Variants in CCDC3 observed in about 807,000 individuals in gnomAD.
The protein encoded by CCDC3 is coiled-coil domain-containing protein 3.
A neutral mutation model predicts 21.4 loss-of-function variants in CCDC3; 24 were observed. That is an observed-to-expected ratio of 1.12 (90% confidence interval 0.81 to 1.58). The LOEUF (loss-of-function observed/expected upper bound fraction) is 1.58. CCDC3 is among the 40% of genes most tolerant of loss of function. The pLI is 0.00. For missense variants in CCDC3, 425 were observed against 360.9 expected, an observed-to-expected ratio of 1.18 and a Z score of -1.44; for synonymous variants, 186 against 166.0, an observed-to-expected ratio of 1.12 and a Z score of -0.93.
At chr10:13,066,909 C>T (rs1836826767) in intron 4 of CCDC3, among the ~76,000 whole-genome samples, 1 of 152,136 alleles carries the variant, frequency 6.6e-6, no homozygotes, top group South Asian at 2.1e-4. Context: ...CCCTCCTCTG[C>T]CCACCCTTCA....
intron 5 of CCDC3, among the ~76,000 whole-genome samples, chr10:13,045,011 A>C (rs1298522243): frequency 6.6e-6 from 1 of 152,214 alleles, no homozygotes; most frequent in Non-Finnish European, 1.5e-5. Flanking sequence ...TGGAATCTAA[A>C]TGCCATAGCA....
chr10:13,033,037 A>G (rs1836326198), intron 5 of CCDC3, among the ~76,000 whole-genome samples: 1 of 152,246 alleles, frequency 6.6e-6, no homozygotes, highest in South Asian at 2.1e-4. Context: ...TGCCAAGTCA[A>G]TCCTAAGCCA....
intron 5 of CCDC3, among the ~76,000 whole-genome samples, chr10:13,011,408 G>C (rs1835982718): frequency 6.6e-6 from 1 of 152,072 alleles, no homozygotes; most frequent in Non-Finnish European, 1.5e-5. Context: ...CAAGCTGAGA[G>C]CCAAATCAGG....
chr10:13,081,010 G>A (rs1837033523), intron 3 of CCDC3, among the ~76,000 whole-genome samples: 1 of 152,236 alleles, frequency 6.6e-6, no homozygotes, highest in Non-Finnish European at 1.5e-5. Flanking sequence ...ACTAAGTAGG[G>A]ATGGGGCAGG....
chr10:13,027,707 A>T (rs973976555), intron 5 of CCDC3, among the ~76,000 whole-genome samples: 6 of 108,330 alleles, frequency 5.5e-5, no homozygotes, highest in African/African-American at 1.2e-4. Flanking sequence ...TGAGACTCCA[A>T]TTCAAAAAAA....
At chr10:12,917,541 C>T (rs1270414206) in intron 2 of CCDC3, among the ~76,000 whole-genome samples, 1 of 152,114 alleles carries the variant, frequency 6.6e-6, no homozygotes, top group South Asian at 2.1e-4. Context: ...TGTGATCTCT[C>T]ACCTGGTTTT....
chr10:13,083,884 C>T (rs998426004), intron 3 of CCDC3, among the ~76,000 whole-genome samples: 1 of 152,204 alleles, frequency 6.6e-6, no homozygotes, highest in African/African-American at 2.4e-5. Context: ...GCCATTTTTC[C>T]ATCTGCGAGG....
chr10:13,074,416 C>T (rs1328893046), intron 3 of CCDC3, among the ~76,000 whole-genome samples: 3 of 144,362 alleles, frequency 2.1e-5, no homozygotes, highest in African/African-American at 7.7e-5. Flanking sequence ...GAACTCCCGA[C>T]TTCAGGTGAT....
chr10:12,999,300 T>A (rs1564315099), intron 1 of CCDC3, among the ~76,000 whole-genome samples: 1 of 152,174 alleles, frequency 6.6e-6, no homozygotes, highest in African/African-American at 2.4e-5. Context: ...GTCATAAGCA[T>A]TGCATCAAAA....
At chr10:12,978,841 T>C (rs1835455896) in intron 2 of CCDC3, among the ~76,000 whole-genome samples, 1 of 152,092 alleles carries the variant, frequency 6.6e-6, no homozygotes, top group African/African-American at 2.4e-5. Flanking sequence ...TGTAAGAATG[T>C]TCTTCCTTCA....
rs144371985 is a variant in CCDC3, at chr10:13,067,332, C to T, written c.-270+6536G>A. Among the ~76,000 whole-genome samples the T allele has an allele frequency of 2.6e-5, 4 of 152,290 alleles. No individual in the cohort carries two copies. The East Asian group carries it at 7.7e-4, about 29-fold the overall frequency. On this transcript the variant is annotated intron_variant, in intron 4 of 6. Transcript: ENST00000378839. The stretch of plus-strand genomic sequence containing the variant: ...TTCCCCAGGCATCTTTCCAACCCTG[C>T]ATTTTAAACTATTTTTTCCTTTTCT...
At chr10:13,040,084 C>G (rs1006503660) in intron 5 of CCDC3, among the ~76,000 whole-genome samples, 1 of 151,998 alleles carries the variant, frequency 6.6e-6, no homozygotes, top group Non-Finnish European at 1.5e-5. Flanking sequence ...ACTAAAAGCC[C>G]AGTCACAAAG....
intron 2 of CCDC3, among the ~76,000 whole-genome samples, chr10:12,975,531 G>A (rs1329151464): frequency 2.0e-5 from 3 of 152,176 alleles, no homozygotes; most frequent in Non-Finnish European, 4.4e-5. Flanking sequence ...AATCAATGCT[G>A]AACCACCCCT....
chr10:13,000,978 T>C (rs1172032630), intron 1 of CCDC3, among the ~76,000 whole-genome samples: 1 of 152,214 alleles, frequency 6.6e-6, no homozygotes, highest in Non-Finnish European at 1.5e-5. Flanking sequence ...AAACCTTCCC[T>C]GTCTTTTAAA....
intron 5 of CCDC3, among the ~76,000 whole-genome samples, chr10:13,039,964 C>T (rs575029731): frequency 8.4e-4 from 128 of 151,784 alleles, no homozygotes; most frequent in Non-Finnish European, 1.1e-3. Context: ...CCTAGGTGAC[C>T]GCTGACATTG....
intron 2 of CCDC3, among the ~76,000 whole-genome samples, chr10:12,978,572 G>T (rs1364370687): frequency 5.0e-5 from 7 of 140,204 alleles, no homozygotes; most frequent in Admixed American, 7.2e-5. Context: ...GAGAGAGAGA[G>T]ATAAGGCCAG....
At chr10:13,037,404 A>C (rs1047607324) in intron 5 of CCDC3, among the ~76,000 whole-genome samples, 1 of 152,166 alleles carries the variant, frequency 6.6e-6, no homozygotes, top group African/African-American at 2.4e-5. Flanking sequence ...CTGACACTTG[A>C]TCCTACATAA....
At chr10:12,975,383 C>G (rs1835400681) in intron 2 of CCDC3, among the ~76,000 whole-genome samples, 2 of 152,154 alleles carry the variant, frequency 1.3e-5, no homozygotes, top group African/African-American at 4.8e-5. Context: ...CTGCTCAGCC[C>G]TAACTCCACC....
At chr10:12,906,622 G>C (rs1230188929) in intron 2 of CCDC3, among the ~76,000 whole-genome samples, 4 of 152,130 alleles carry the variant, frequency 2.6e-5, no homozygotes, top group African/African-American at 9.7e-5. Context: ...GAGTCCACAG[G>C]TCAGGGAGCC....
Sources: gnomAD v4.1 joint callset for allele counts (sites outside exome capture counted in the v4.1 genomes callset) on GRCh38, gnomAD v4.1.1 for gene constraint, MANE v1.5 for transcripts, NCBI Gene and HGNC (gene_info 2026-07-23, HGNC 2026-07-21) for gene names.